Variants in NR2C1 observed in about 807,000 individuals in gnomAD.
NR2C1 encodes TR2 nuclear hormone receptor.
NR2C1 carries 33 observed loss-of-function variants against 74.8 expected under a neutral mutation model. The ratio of observed to expected loss-of-function variants is 0.44; its 90% CI spans 0.33 to 0.59. The LOEUF (loss-of-function observed/expected upper bound fraction) is 0.59. Ranked by LOEUF, NR2C1 falls within the 20% of genes least tolerant of loss-of-function variation. The pLI is 0.02. For synonymous variants in NR2C1, 225 were observed against 240.6 expected, an observed-to-expected ratio of 0.94 and a Z score of 0.60; for missense variants, 568 against 715.6, an observed-to-expected ratio of 0.79 and a Z score of 2.35.
Position 95,031,364 on chromosome 12 carries a change from T to C in NR2C1, c.1378A>G (p.Asn460Asp). The C allele has an allele frequency of 6.2e-7, 1 of 1,602,254 alleles. No homozygotes were observed. The highest frequency in any genetic ancestry group is 8.5e-7 in the Non-Finnish European group (1 of 1,175,568). Residue 460 changes from asparagine to aspartate, a missense_variant, in exon 11 of 14, where the codon AAT becomes GAT. Asn to Asp is a conservative substitution (Grantham distance 23, BLOSUM62 1). Coordinates refer to ENST00000333003, the MANE Select transcript of NR2C1 (RefSeq NM_003297.4). ...TGCTTTTTACCTTGTTGAAGACTAT[T>C]GTGAAGACAATTGACAAATGTTGCT... Reference protein sequence around the residue: ...ILATFVNCLHNSLQQDKMSTE... With the variant: ...ILATFVNCLHDSLQQDKMSTE...
chr12:95,067,066 CTTTAA>C (rs909396118), intron 2 of NR2C1: 13 of 510,646 alleles, frequency 2.5e-5, no homozygotes, highest in African/African-American at 1.4e-4. Flanking sequence ...CTCTACAGCT[CTTTAA>C]TTTCTTTCCT....
intron 11 of NR2C1, among the ~76,000 whole-genome samples, chr12:95,029,596 C>T (rs546635675): frequency 4.4e-5 from 6 of 136,962 alleles, no homozygotes; most frequent in Admixed American, 3.0e-4. Context: ...CTCGCTCTGT[C>T]GCCCAGGCTG....
At chr12:95,072,179 C>A (rs1219257018) in intron 1 of NR2C1, among the ~76,000 whole-genome samples, 1 of 151,040 alleles carries the variant, frequency 6.6e-6, no homozygotes, top group Non-Finnish European at 1.5e-5. Flanking sequence ...TTTGGGAGGC[C>A]GAGGCGGGTG....
chr12:95,045,669 GAAAT>G (rs1872222754), intron 9 of NR2C1, among the ~76,000 whole-genome samples: 1 of 152,046 alleles, frequency 6.6e-6, no homozygotes, highest in East Asian at 1.9e-4. Flanking sequence ...TAAAATTTTA[GAAAT>G]AAGTATATGC....
chr12:95,036,294 C>T (rs1870817802), intron 10 of NR2C1, among the ~76,000 whole-genome samples: 1 of 138,988 alleles, frequency 7.2e-6, no homozygotes, highest in Admixed American at 7.0e-5. Flanking sequence ...AAAAAAAGGC[C>T]GGATATGATG....
intron 10 of NR2C1, among the ~76,000 whole-genome samples, chr12:95,032,389 C>A (rs546549766): frequency 2.9e-4 from 43 of 149,888 alleles, no homozygotes; most frequent in African/African-American, 1.1e-3. Flanking sequence ...ACCTGGGAGG[C>A]AGAGCTTGCA....
At chr12:95,034,743 T>C (rs1024679080) in intron 10 of NR2C1, among the ~76,000 whole-genome samples, 1 of 152,192 alleles carries the variant, frequency 6.6e-6, no homozygotes, top group Non-Finnish European at 1.5e-5. Context: ...CAACTGCCTA[T>C]GGTATTCAGT....
At chr12:95,039,701 G>A (rs1456646196) in intron 10 of NR2C1, among the ~76,000 whole-genome samples, 2 of 152,208 alleles carry the variant, frequency 1.3e-5, no homozygotes, top group East Asian at 1.9e-4. Context: ...ATGTGATCAT[G>A]GCTTATTTCA....
chr12:95,069,055 C>CA (rs1467644596), intron 1 of NR2C1, among the ~76,000 whole-genome samples: 22 of 152,084 alleles, frequency 1.4e-4, no homozygotes, highest in African/African-American at 4.8e-4. Context: ...AAAGAAACTG[C>CA]AAGTTTGGAA....
In NR2C1 at chr12:95,038,756, G is replaced by T. The variant is rs186757964; in HGVS notation, c.1253+1720C>A. Among the ~76,000 whole-genome samples, 18 of 152,152 alleles carry T rather than the reference G, an allele frequency of 1.2e-4. No homozygotes were observed. The East Asian group carries it at 3.3e-3, about 28-fold the overall frequency. On this transcript the variant is annotated intron_variant, in intron 10 of 13. Transcript: ENST00000333003. The stretch of plus-strand genomic sequence containing the variant: ...ATAAGTACTTATTTTAAAAATTTTG[G>T]TCGATAATAGACTAATTGTTCTCCA...
Position 95,058,405 on chromosome 12 carries a change from C to T in NR2C1, c.449G>A (p.Arg150Gln), listed in dbSNP as rs1179196240. Reference protein sequence around the residue: ...SIRKNLVYSCRGSKDCIINKH... With the variant: ...SIRKNLVYSCQGSKDCIINKH... Reference sequence around the variant, plus strand: ...ATTAATAATACAATCCTTTGATCCTCGACATGAATATACTAAATTTTTTCG... The same window carrying T: ...ATTAATAATACAATCCTTTGATCCTTGACATGAATATACTAAATTTTTTCG... Residue 150 changes from arginine (R) to glutamine (Q), a missense_variant, in exon 5 of 14, where the codon CGA becomes CAA. Around this residue, in one of 6 missense-constraint regions of NR2C1, gnomAD observed 44 missense variants for 95.6 expected, o/e 0.46. Coordinates refer to ENST00000333003, the MANE Select transcript of NR2C1 (RefSeq NM_003297.4). The T allele has an allele frequency of 3.1e-6, 5 of 1,613,558 alleles. No homozygotes were observed. The highest frequency in any genetic ancestry group is 2.2e-5 in the East Asian group (1 of 44,850).
intron 9 of NR2C1, among the ~76,000 whole-genome samples, chr12:95,048,758 G>A (rs1003395238): frequency 6.6e-6 from 1 of 151,738 alleles, no homozygotes; most frequent in African/African-American, 2.4e-5. Context: ...CCGAGTAGCT[G>A]GGATTACAGG....
intron 9 of NR2C1, among the ~76,000 whole-genome samples, chr12:95,048,772 G>A (rs11836053): frequency 0.013 from 1,937 of 151,990 alleles, 35 homozygotes; most frequent in African/African-American, 0.044. Context: ...TTACAGGCAT[G>A]CACCATCACA....
At chr12:95,058,538 C>G (rs771244043) in intron 4 of NR2C1, 49 bp from the exon 5 acceptor site, 1 of 1,467,118 alleles carries the variant, frequency 6.8e-7, no homozygotes, top group Non-Finnish European at 9.4e-7. Flanking sequence ...TATTTCAGAA[C>G]AGAAATGACA....
At chr12:95,045,558 A>T (rs1382380777) in intron 9 of NR2C1, among the ~76,000 whole-genome samples, 1 of 152,222 alleles carries the variant, frequency 6.6e-6, no homozygotes, top group Non-Finnish European at 1.5e-5. Context: ...GAATGGTTAA[A>T]ATTCAGTTAT....
intron 13 of NR2C1, among the ~76,000 whole-genome samples, chr12:95,023,817 T>A (rs1004200005): frequency 3.3e-5 from 5 of 152,234 alleles, no homozygotes; most frequent in African/African-American, 1.2e-4. Flanking sequence ...GAAAAAAATT[T>A]AAATACTGTA....
chr12:95,069,794 G>GCATC (rs1418098736), intron 1 of NR2C1, among the ~76,000 whole-genome samples: 3 of 151,934 alleles, frequency 2.0e-5, no homozygotes, highest in African/African-American at 4.8e-5. Flanking sequence ...ATCCATGCAT[G>GCATC]CATCCATCCA....
chr12:95,020,869 T>C lies in NR2C1; in HGVS notation c.*1360A>G, dbSNP rs539059085. The stretch of plus-strand genomic sequence containing the variant: ...TAACAAGGCTTCAGGCTGATTCTTA[T>C]ACTGTTGTTAAAGCAGCCCTCCCGT... On this transcript the variant is annotated 3_prime_UTR_variant, in exon 14 of 14. Transcript: ENST00000333003. The C allele has an allele frequency of 7.2e-5, 11 of 152,218 alleles. No homozygotes were observed. Among genetic ancestry groups the C allele is most frequent in the South Asian group, 2.1e-4 (1 of 4,828 alleles). 9.4% of individuals were successfully genotyped at this position (152,218 alleles called of 1,614,324 possible). A position where few individuals can be genotyped will look rare whatever the true frequency, so the allele number is the denominator to read the frequency against.
In NR2C1 at chr12:95,067,439, T is replaced by C. The variant is rs1875883676; in HGVS notation, c.-7-48A>G. The C allele has an allele frequency of 3.1e-6, 4 of 1,275,662 alleles. No individual in the cohort carries two copies. The Admixed American group carries it at 5.3e-5, about 17-fold the overall frequency. The allele number at this position is 1,275,662 out of a possible 1,614,324, so 79.0% of individuals were successfully genotyped here. A position where few individuals can be genotyped will look rare whatever the true frequency, so the allele number is the denominator to read the frequency against. On this transcript the variant is annotated intron_variant, in intron 1 of 13. Transcript: ENST00000333003. ...TTATAATTAAACTCACAAAACACTC[T>C]TATTAAATAATTTACAAATAAAACT...
Sources: gnomAD v4.1 joint callset for allele counts (sites outside exome capture counted in the v4.1 genomes callset) on GRCh38, gnomAD v4.1.1 for gene constraint, gnomAD v4.1.1 regional missense constraint, MANE v1.5 for transcripts, NCBI Gene and HGNC (gene_info 2026-07-23, HGNC 2026-07-21) for gene names.